PLCL1: variants seen among roughly 807,000 people sequenced by gnomAD.
PLCL1 encodes inactive phospholipase C-like protein 1.
Under a neutral mutation model 84.4 loss-of-function variants are expected in PLCL1, and 41 were observed. That is an observed-to-expected ratio of 0.49 (90% confidence interval 0.38 to 0.63). PLCL1 has a LOEUF of 0.63. PLCL1 is among the 30% of genes least tolerant of loss of function. The pLI is 0.00. For missense variants in PLCL1, 1,206 were observed against 1,367.8 expected (o/e 0.88, Z 1.87); for synonymous variants, 490 against 488.3 (o/e 1.00, Z -0.05).
chr2:198,102,623 G>A (rs1449008701), intron 4 of PLCL1, among the ~76,000 whole-genome samples: 1 of 152,104 alleles, frequency 6.6e-6, no homozygotes, highest in South Asian at 2.1e-4. Context: ...GGGCAATGCA[G>A]TGGCCTTGCC....
At position 198,084,488 on chromosome 2, in the gene PLCL1, C is replaced by T. The variant is rs1359738655; in HGVS notation, c.971C>T (p.Ser324Phe). 1 of 1,613,990 alleles carries T rather than the reference C, an allele frequency of 6.2e-7. No individual in the cohort carries two copies. ...PEVYFLLVQI[S>F]KNKEYLDAND... ...GTGTATTTCTTACTTGTACAGATAT[C>T]TAAAAACAAAGAATATTTGGATGCC... is the stretch of plus-strand genomic sequence containing the variant. The change falls in exon 2 of 6, where the codon TCT becomes TTT. Residue 324 changes from serine to phenylalanine, a missense_variant. Transcript: ENST00000428675.
intron 1 of PLCL1, among the ~76,000 whole-genome samples, chr2:198,001,205 G>A (rs564574418): frequency 1.1e-4 from 16 of 152,262 alleles, no homozygotes; most frequent in Non-Finnish European, 2.1e-4. Context: ...TTACCACATG[G>A]CATTGTGATT....
chr2:197,816,444 T>C (rs1020359355), intron 1 of PLCL1, among the ~76,000 whole-genome samples: 3 of 152,194 alleles, frequency 2.0e-5, no homozygotes, highest in Non-Finnish European at 4.4e-5. Flanking sequence ...TGACTTGCTT[T>C]ATTGCAATAT....
At chr2:197,973,834 G>T (rs1257665920) in intron 1 of PLCL1, among the ~76,000 whole-genome samples, 2 of 152,204 alleles carry the variant, frequency 1.3e-5, no homozygotes, top group South Asian at 4.1e-4. Flanking sequence ...CCATTAGAGG[G>T]TTTAAACAAG....
chr2:197,922,652 C>A (rs1688728031), intron 1 of PLCL1, among the ~76,000 whole-genome samples: 2 of 138,228 alleles, frequency 1.4e-5, no homozygotes, highest in African/African-American at 5.4e-5. Flanking sequence ...CTGACCCCCC[C>A]ACCCCCCCAC....
At chr2:197,944,679 C>T (rs1689235655) in intron 1 of PLCL1, among the ~76,000 whole-genome samples, 1 of 152,206 alleles carries the variant, frequency 6.6e-6, no homozygotes, top group South Asian at 2.1e-4. Context: ...TATAAGCCAG[C>T]TGCAGCTCAC....
intron 1 of PLCL1, among the ~76,000 whole-genome samples, chr2:198,018,180 A>G (rs1347563774): frequency 2.6e-5 from 4 of 152,180 alleles, no homozygotes; most frequent in African/African-American, 7.2e-5. Context: ...CCCTGCCATG[A>G]GGGACAGTGC....
chr2:198,143,640 G>C (rs1020982591), intron 5 of PLCL1, among the ~76,000 whole-genome samples: 1 of 152,050 alleles, frequency 6.6e-6, no homozygotes, highest in African/African-American at 2.4e-5. Context: ...AAAATGCCAG[G>C]GTGGTGGTTG....
intron 1 of PLCL1, among the ~76,000 whole-genome samples, chr2:198,039,178 A>T (rs1353021336): frequency 4.6e-5 from 7 of 152,258 alleles, no homozygotes; most frequent in Admixed American, 2.0e-4. Context: ...AGTCAAAGTG[A>T]CATAGTTTCT....
At chr2:197,897,164 TC>T (rs1688157570) in intron 1 of PLCL1, among the ~76,000 whole-genome samples, 8 of 43,866 alleles carry the variant, frequency 1.8e-4, no homozygotes, top group Non-Finnish European at 2.8e-4. Context: ...TTCTTCTTCT[TC>T]TTCTTCTTCT....
intron 1 of PLCL1, among the ~76,000 whole-genome samples, chr2:197,895,749 A>T (rs1260761559): frequency 6.6e-6 from 1 of 151,916 alleles, no homozygotes; most frequent in Non-Finnish European, 1.5e-5. Flanking sequence ...TTCGCAATTT[A>T]GTGTTGTAGA....
At chr2:198,067,563 C>T (rs1220292967) in intron 1 of PLCL1, among the ~76,000 whole-genome samples, 1 of 152,116 alleles carries the variant, frequency 6.6e-6, no homozygotes, top group Non-Finnish European at 1.5e-5. Flanking sequence ...AACTTGTATT[C>T]CTTCCCGTAG....
chr2:198,131,695 C>T (rs566012474), intron 5 of PLCL1, among the ~76,000 whole-genome samples: 1 of 152,264 alleles, frequency 6.6e-6, no homozygotes, highest in South Asian at 2.1e-4. Flanking sequence ...GTTTTCTCTG[C>T]AAGAAGCTTG....
intron 1 of PLCL1, among the ~76,000 whole-genome samples, chr2:198,066,304 A>G (rs889742608): frequency 1.3e-5 from 2 of 152,046 alleles, no homozygotes; most frequent in Non-Finnish European, 2.9e-5. Flanking sequence ...CTTATTTACA[A>G]TTGTATTCTT....
At chr2:198,088,498 T>A (rs1395398356) in intron 2 of PLCL1, among the ~76,000 whole-genome samples, 2 of 152,202 alleles carry the variant, frequency 1.3e-5, no homozygotes, top group East Asian at 3.8e-4. Flanking sequence ...AGCAGTAGCA[T>A]CCTGCTACCT....
At chr2:197,961,178 G>C (rs1689614047) in intron 1 of PLCL1, among the ~76,000 whole-genome samples, 1 of 150,952 alleles carries the variant, frequency 6.6e-6, no homozygotes, top group African/African-American at 2.4e-5. Flanking sequence ...TGTGTGCAAA[G>C]TTTTTTCCTT....
At chr2:197,857,077 T>C (rs1167183312) in intron 1 of PLCL1, among the ~76,000 whole-genome samples, 1 of 152,112 alleles carries the variant, frequency 6.6e-6, no homozygotes, top group Non-Finnish European at 1.5e-5. Context: ...CAAACCACTG[T>C]GGCACATGTT....
intron 1 of PLCL1, among the ~76,000 whole-genome samples, chr2:197,844,396 C>T (rs1687078364): frequency 6.6e-6 from 1 of 152,100 alleles, no homozygotes; most frequent in South Asian, 2.1e-4. Flanking sequence ...TGGCCTCTTT[C>T]CCTCCACATA....
chr2:197,979,918 A>G (rs1690068845), intron 1 of PLCL1, among the ~76,000 whole-genome samples: 1 of 152,160 alleles, frequency 6.6e-6, no homozygotes, highest in East Asian at 1.9e-4. Flanking sequence ...ACTCATTCAC[A>G]TATTGAAATC....
Sources: allele counts gnomAD v4.1 joint callset (sites outside exome capture counted in the v4.1 genomes callset), GRCh38; gene constraint gnomAD v4.1.1; transcripts MANE v1.5; gene names NCBI Gene and HGNC (gene_info 2026-07-23, HGNC 2026-07-21).